MACROD2: variants seen among roughly 807,000 people sequenced by gnomAD.
MACROD2 encodes the protein ADP-ribose glycohydrolase MACROD2.
A neutral mutation model predicts 70.4 loss-of-function variants in MACROD2; 36 were observed. The ratio of observed to expected loss-of-function variants is 0.51; its 90% confidence interval spans 0.39 to 0.68. The LOEUF is 0.68. Ranked by LOEUF, MACROD2 falls within the 30% of genes least tolerant of loss-of-function variation. The probability of loss-of-function intolerance (pLI) is 0.00; values close to 1 mark genes in which losing one functional copy is unlikely to be tolerated. For missense variants in MACROD2, 496 were observed against 538.4 expected (o/e 0.92, Z 0.78); for synonymous variants, 172 against 178.8 (o/e 0.96, Z 0.30).
rs148024335 is a variant in MACROD2, at chr20:15,822,315, T to C, written c.646-40430T>C. On this transcript the variant is annotated intron_variant, in intron 8 of 17. Coordinates refer to ENST00000684519, the MANE Select transcript of MACROD2 (RefSeq NM_001351661.2). ...TGTATGTTTTACAATACTATATTAATATAAACTATATTAATAGTCTCTAAG... is the reference window on the plus strand; with the variant it reads ...TGTATGTTTTACAATACTATATTAACATAAACTATATTAATAGTCTCTAAG... Among the ~76,000 whole-genome samples the C allele has an allele frequency of 4.9e-3, 740 of 152,304 alleles. 3 individuals are homozygous for C. The highest frequency in any genetic ancestry group is 0.031 in the Middle Eastern group (9 of 294).
intron 2 of MACROD2, among the ~76,000 whole-genome samples, chr20:14,060,028 A>G (rs536788346): frequency 8.5e-5 from 13 of 152,348 alleles, no homozygotes; most frequent in African/African-American, 3.1e-4. Flanking sequence ...TTCGACCCTT[A>G]CGTGCTTATG....
chr20:15,538,269 A>G (rs1600555416), intron 8 of MACROD2, among the ~76,000 whole-genome samples: 1 of 152,202 alleles, frequency 6.6e-6, no homozygotes, highest in Non-Finnish European at 1.5e-5. Context: ...GGGTGCTGAG[A>G]CAATAAAGGA....
chr20:14,572,527 A>G (rs1203067367), intron 4 of MACROD2, among the ~76,000 whole-genome samples: 1 of 152,208 alleles, frequency 6.6e-6, no homozygotes, highest in Admixed American at 6.6e-5. Context: ...AGTAGAAAAG[A>G]TAAATAAATT....
intron 3 of MACROD2, among the ~76,000 whole-genome samples, chr20:14,399,061 C>T (rs2083610444): frequency 6.6e-6 from 1 of 150,516 alleles, no homozygotes; most frequent in Non-Finnish European, 1.5e-5. Flanking sequence ...ACTCTGTTTC[C>T]CAGGCTGGAG....
intron 5 of MACROD2, among the ~76,000 whole-genome samples, chr20:15,055,682 TAAGTGGAAC>T (rs534181813): frequency 1.4e-3 from 208 of 152,202 alleles, no homozygotes; most frequent in African/African-American, 4.7e-3. Context: ...TGGATAATAT[TAAGTGGAAC>T]AAGGTTTAGC....
chr20:14,613,221 C>T (rs1932943), intron 4 of MACROD2, among the ~76,000 whole-genome samples: 16,969 of 151,968 alleles, frequency 0.11, 1,364 homozygotes, highest in South Asian at 0.33. Context: ...AGTATGTTTG[C>T]GATACATGAA....
chr20:15,011,275 T>TGGGAGGAAGAGCAGGAAAGAGAGAA (rs1410573043), intron 5 of MACROD2, among the ~76,000 whole-genome samples: 9 of 151,744 alleles, frequency 5.9e-5, no homozygotes, highest in Non-Finnish European at 1.0e-4. Flanking sequence ...TCCTCTGTGG[T>TGGGAGGAAGAGCAGGAAAGAGAGAA]GGGAGGAAGA....
At chr20:14,877,218 T>G (rs1045552397) in intron 5 of MACROD2, among the ~76,000 whole-genome samples, 1 of 152,130 alleles carries the variant, frequency 6.6e-6, no homozygotes, top group Non-Finnish European at 1.5e-5. Context: ...AGGTGGCTAT[T>G]TTAAGTAGGA....
intron 5 of MACROD2, among the ~76,000 whole-genome samples, chr20:15,226,966 T>C (rs2076911927): frequency 6.6e-6 from 1 of 152,002 alleles, no homozygotes; most frequent in Non-Finnish European, 1.5e-5. Flanking sequence ...CAGTGTGGAG[T>C]AGTTACTCAT....
At chr20:15,144,484 C>T (rs1240911829) in intron 5 of MACROD2, among the ~76,000 whole-genome samples, 1 of 152,102 alleles carries the variant, frequency 6.6e-6, no homozygotes, top group African/African-American at 2.4e-5. Context: ...AACTTTGAAA[C>T]GTTCTTCCAG....
intron 6 of MACROD2, among the ~76,000 whole-genome samples, chr20:15,245,278 A>G (rs571292246): frequency 1.3e-5 from 2 of 152,358 alleles, no homozygotes; most frequent in South Asian, 4.1e-4. Context: ...CATAAGGATG[A>G]TGACATATTG....
intron 5 of MACROD2, among the ~76,000 whole-genome samples, chr20:14,916,673 A>G (rs937268667): frequency 2.0e-5 from 3 of 152,180 alleles, no homozygotes; most frequent in African/African-American, 7.2e-5. Flanking sequence ...AGCAATTGTA[A>G]GGAGAGATGT....
chr20:14,539,129 A>G (rs1301774543), intron 4 of MACROD2, among the ~76,000 whole-genome samples: 1 of 152,236 alleles, frequency 6.6e-6, no homozygotes, highest in Non-Finnish European at 1.5e-5. Flanking sequence ...GTAGAAATCA[A>G]GACCTTTCTC....
intron 3 of MACROD2, among the ~76,000 whole-genome samples, chr20:14,408,364 C>T (rs1250320825): frequency 6.6e-6 from 1 of 152,122 alleles, no homozygotes; most frequent in Non-Finnish European, 1.5e-5. Context: ...TTGCATAACA[C>T]TCGCTAACAG....
intron 3 of MACROD2, among the ~76,000 whole-genome samples, chr20:14,486,483 A>G (rs193273218): frequency 1.3e-5 from 2 of 151,238 alleles, no homozygotes; most frequent in East Asian, 3.9e-4. Context: ...TTGAGGAGTA[A>G]ACAGGAGCTA....
At chr20:14,828,780 A>T (rs2072929653) in intron 5 of MACROD2, among the ~76,000 whole-genome samples, 1 of 152,022 alleles carries the variant, frequency 6.6e-6, no homozygotes, top group Non-Finnish European at 1.5e-5. Context: ...ATAACTATTA[A>T]CCATTGCATT....
intron 5 of MACROD2, among the ~76,000 whole-genome samples, chr20:15,223,315 G>C (rs763789624): frequency 4.6e-5 from 7 of 152,140 alleles, no homozygotes; most frequent in Non-Finnish European, 1.0e-4. Context: ...GTGCACAAAG[G>C]CTGCTTTTCC....
At chr20:14,666,964 C>T (rs145010191) in intron 4 of MACROD2, among the ~76,000 whole-genome samples, 1 of 151,560 alleles carries the variant, frequency 6.6e-6, no homozygotes, top group African/African-American at 2.4e-5. Flanking sequence ...TGCAGAGGAA[C>T]TGAAGGCTAC....
chr20:14,194,475 C>CCTATTTGT (rs1022079258), intron 3 of MACROD2, among the ~76,000 whole-genome samples: 1 of 152,116 alleles, frequency 6.6e-6, no homozygotes, highest in Non-Finnish European at 1.5e-5. Flanking sequence ...ATTGCTCTCA[C>CCTATTTGT]CAGCTGCTGA....
Sources: allele counts gnomAD v4.1 joint callset (sites outside exome capture counted in the v4.1 genomes callset), GRCh38; gene constraint gnomAD v4.1.1; transcripts MANE v1.5; gene names NCBI Gene and HGNC (gene_info 2026-07-23, HGNC 2026-07-21).